Variants in SETD1A observed in about 807,000 individuals in gnomAD.
SETD1A encodes the protein SET domain containing 1A, histone lysine methyltransferase, also known as histone-lysine N-methyltransferase SETD1A.
In SETD1A, 29 loss-of-function variants were observed where a neutral mutation model predicts 149.9. That is an observed-to-expected ratio of 0.19 (90% confidence interval 0.14 to 0.26). The LOEUF (loss-of-function observed/expected upper bound fraction) is 0.26, where lower values mean the gene tolerates loss of function less well. Ranked by LOEUF, SETD1A falls within the 10% of genes least tolerant of loss-of-function variation. SETD1A has a pLI of 1.00. For missense variants in SETD1A, 2,109 were observed against 2,353.1 expected, an observed-to-expected ratio of 0.90 and a Z score of 2.15; for synonymous variants, 1,141 against 968.5, an observed-to-expected ratio of 1.18 and a Z score of -3.31.
chr16:30,983,503 G>A lies in SETD1A; in HGVS notation c.4813-132G>A. ...AGCAGAGTCGAGAGAGTCAGTGCCG[G>A]GTTAGCGGGAGCTGGAGGCAGAGCT... On this transcript the variant is annotated intron_variant, in intron 17 of 18. Transcript: ENST00000262519. The surrounding 1 kb of genome is among the most constrained non-coding windows in gnomAD (Gnocchi z 6.8). 9.5e-7 allele frequency: 1 copy of A among 1,056,156 alleles called. No homozygotes were observed. The highest frequency in any genetic ancestry group is 1.4e-6 in the Non-Finnish European group (1 of 719,980). The allele number at this position is 1,056,156 out of a possible 1,614,324, so 65.4% of individuals were successfully genotyped here.
chr16:30,967,112 C>T (rs2143511194), intron 9 of SETD1A, 52 bp downstream of exon 9: 1 of 1,418,380 alleles, frequency 7.1e-7, no homozygotes, highest in African/African-American at 1.4e-5. Flanking sequence ...GAGAGGGGGC[C>T]CCCTTCCTTG....
At chr16:30,976,482 G>A (rs1469378679) in intron 13 of SETD1A, among the ~76,000 whole-genome samples, 2 of 152,134 alleles carry the variant, frequency 1.3e-5, no homozygotes, top group East Asian at 3.9e-4. Context: ...AGGTGTGGTG[G>A]AATGATGAGG....
In SETD1A at chr16:30,957,878, G is replaced by A. The variant is rs1345802571; in HGVS notation, c.-102G>A. ...CTCCCAGGGCGCCGGCCGAGGCGAA[G>A]CCGCTACCCTCGGCCCCGTGGGTCC... On this transcript the variant is annotated 5_prime_UTR_variant, in exon 1 of 19. Transcript: ENST00000262519. 1 of 152,308 alleles carries A rather than the reference G, an allele frequency of 6.6e-6. No homozygotes were observed. Among genetic ancestry groups the A allele is most frequent in the South Asian group, 2.1e-4 (1 of 4,836 alleles). The allele number at this position is 152,308 out of a possible 1,614,324, so 9.4% of individuals were successfully genotyped here.
chr16:30,964,637 C>G lies in SETD1A; in HGVS notation c.895C>G (p.Arg299Gly). 1.2e-6 allele frequency: 2 copies of G among 1,613,576 alleles called. No individual in the cohort carries two copies. Among genetic ancestry groups the G allele is most frequent in the Non-Finnish European group, 8.5e-7 (1 of 1,179,846 alleles). Residue 299 changes from arginine (R) to glycine (G), a missense_variant, in exon 7 of 19, where the codon CGG becomes GGG. This residue lies in a region of SETD1A where 410 missense variants were observed against 394.8 expected (regional missense o/e 1.04). Coordinates refer to ENST00000262519, the MANE Select transcript of SETD1A (RefSeq NM_014712.3). ...SSTTSTSFKP[R>G]RSENSYQDAF... ...CACCACTTCAACCTCCTTCAAGCCC[C>G]GGCGGTCAGAGAACAGCTACCAAGA...
chr16:30,979,980 C>T lies in SETD1A; in HGVS notation c.4194C>T (p.Ala1398=). Residue 1398 remains alanine, a synonymous_variant, in exon 14 of 19, where the codon GCC becomes GCT. Coordinates refer to ENST00000262519, the MANE Select transcript of SETD1A (RefSeq NM_014712.3). ...ALRRRSLRSH[A]RRRRPPPPPP... ...GGAGGCGCAGCCTCCGCTCCCACGCCCGGCGCCGCCGCCCTCCGCCCCCAC... is the reference window on the plus strand; with the variant it reads ...GGAGGCGCAGCCTCCGCTCCCACGCTCGGCGCCGCCGCCCTCCGCCCCCAC... The T allele has an allele frequency of 1.3e-6, 2 of 1,511,644 alleles. No individual in the cohort carries two copies. The highest frequency in any genetic ancestry group is 2.2e-5 in the Admixed American group (1 of 45,524). The allele number at this position is 1,511,644 out of a possible 1,614,324, so 93.6% of individuals were successfully genotyped here.
At chr16:30,964,440 CTG>C in intron 6 of SETD1A, 117 bp downstream of exon 6, 1 of 1,330,166 alleles carries the variant, frequency 7.5e-7, no homozygotes, top group Non-Finnish European at 1.0e-6. Context: ...CCTAGTTTCT[CTG>C]TGGATTCAGT....
intron 4 of SETD1A, among the ~76,000 whole-genome samples, chr16:30,963,204 G>T (rs1318671761): frequency 6.6e-6 from 1 of 152,212 alleles, no homozygotes; most frequent in Non-Finnish European, 1.5e-5. Flanking sequence ...ATAAGTAGAA[G>T]TGTTTTTGAT....
rs1306210342 is a variant in SETD1A, at chr16:30,979,633, T to C, written c.3847T>C (p.Ser1283Pro). The C allele has an allele frequency of 1.2e-6, 2 of 1,610,594 alleles. No homozygotes were observed. Among genetic ancestry groups the C allele is most frequent in the Non-Finnish European group, 1.7e-6 (2 of 1,179,714 alleles). ...AVEDSEATET[S>P]DEAERPRPLL... Reference sequence around the variant, plus strand: ...TGAAGACTCAGAGGCCACAGAGACATCGGACGAGGCCGAGCGCCCTAGGCC... The same window carrying C: ...TGAAGACTCAGAGGCCACAGAGACACCGGACGAGGCCGAGCGCCCTAGGCC... The change falls in exon 14 of 19, where the codon TCG becomes CCG. Residue 1283 changes from serine (S) to proline (P), a missense_variant. Physicochemically the swap from Ser to Pro is moderately conservative, Grantham distance 74. This residue lies in a region of SETD1A where 832 missense variants were observed against 815.6 expected (regional missense o/e 1.02). Transcript: ENST00000262519.
intron 4 of SETD1A, among the ~76,000 whole-genome samples, chr16:30,962,225 C>T (rs770536307): frequency 5.3e-5 from 8 of 152,154 alleles, no homozygotes; most frequent in Non-Finnish European, 1.0e-4. Flanking sequence ...CCACTACGCC[C>T]GGCTAATTTT....
chr16:30,970,438 T>TTG (rs2056210768), intron 12 of SETD1A, among the ~76,000 whole-genome samples: 1 of 151,960 alleles, frequency 6.6e-6, no homozygotes, highest in Non-Finnish European at 1.5e-5. Flanking sequence ...TGGCTAATTT[T>TTG]TGTATTTTTA....
Position 30,980,054 on chromosome 16 carries a change from A to G in SETD1A, c.4268A>G (p.Gln1423Arg). 2 of 1,610,462 alleles carry G rather than the reference A, an allele frequency of 1.2e-6. No individual in the cohort carries two copies. The highest frequency in any genetic ancestry group is 1.7e-6 in the Non-Finnish European group (2 of 1,178,430). The change falls in exon 14 of 19, where the codon CAG becomes CGG. Residue 1423 changes from glutamine to arginine, a missense_variant. Gln to Arg is a conservative substitution (Grantham distance 43). Around this residue, in one of 8 missense-constraint regions of SETD1A, gnomAD observed 254 missense variants for 409.3 expected, o/e 0.62. Transcript: ENST00000262519. This position sits in a 1 kb window ranked among gnomAD's most constrained non-coding sequence, Gnocchi z 7.7. ...TACGAGCCACGCAGTGAGTTTGAAC[A>G]GATGACCATCCTGTATGACATTTGG... ...RAYEPRSEFE[Q>R]MTILYDIWNS...
chr16:30,966,149 C>A lies in SETD1A; in HGVS notation c.2268C>A (p.Ala756=). 1.2e-6 allele frequency: 2 copies of A among 1,605,574 alleles called. No homozygotes were observed. Among genetic ancestry groups the A allele is most frequent in the Non-Finnish European group, 1.7e-6 (2 of 1,175,314 alleles). ...EAYHLPMPMA[A]EPLPSSSVSG... is the part of the protein sequence containing the mutation. ...ACCACCTGCCCATGCCAATGGCAGC[C>A]GAGCCCCTGCCCTCCTCCTCAGTCT... The change falls in exon 8 of 19, where the codon GCC becomes GCA. Residue 756 remains alanine, a synonymous_variant. Coordinates refer to ENST00000262519, the MANE Select transcript of SETD1A (RefSeq NM_014712.3).
At chr16:30,965,558 G>C in intron 7 of SETD1A, 43 bp from the exon 8 acceptor site, 2 of 1,601,172 alleles carry the variant, frequency 1.2e-6, no homozygotes, top group Non-Finnish European at 1.7e-6. Context: ...AGTAGGGCTT[G>C]GGTCAGGCAG....
Position 30,971,371 on chromosome 16 carries a change from T to A in SETD1A, c.3017-7T>A. 6.4e-7 allele frequency: 1 copy of A among 1,564,208 alleles called. No individual in the cohort carries two copies. The highest frequency in any genetic ancestry group is 1.2e-5 in the South Asian group (1 of 82,718). On this transcript the variant is annotated splice_region_variant and splice_polypyrimidine_tract_variant and intron_variant, in intron 12 of 18. Coordinates refer to ENST00000262519, the MANE Select transcript of SETD1A (RefSeq NM_014712.3). Reference sequence around the variant, plus strand: ...ACCTCTCCTGACTGCCCCTTCTGGATTTCCAGGCGAGGACGAGGAAAGCGA... The same window carrying A: ...ACCTCTCCTGACTGCCCCTTCTGGAATTCCAGGCGAGGACGAGGAAAGCGA...
rs2056408148 is a variant in SETD1A at position 30,983,400 on chromosome 16, C to T, written c.4813-235C>T. On this transcript the variant is annotated intron_variant, in intron 17 of 18. Transcript: ENST00000262519. This position sits in a 1 kb window ranked among gnomAD's most constrained non-coding sequence, Gnocchi z 6.8. ...TGGCTCTCTTACCCAGTGCAGATTT[C>T]CCTGGAGTTCCCTGCGGGTGACTTA... Among the ~76,000 whole-genome samples, 1 of 152,180 alleles carries T rather than the reference C, an allele frequency of 6.6e-6. No homozygotes were observed. Among genetic ancestry groups the T allele is most frequent in the African/African-American group, 2.4e-5 (1 of 41,434 alleles).
chr16:30,978,615 G>A (rs1213661104), intron 13 of SETD1A, among the ~76,000 whole-genome samples: 3 of 152,258 alleles, frequency 2.0e-5, no homozygotes, highest in Non-Finnish European at 4.4e-5. Context: ...AGGAAGGCAA[G>A]TTTCATAAAA....
rs754999216 is a variant in SETD1A at position 30,980,131 on chromosome 16, C to T, written c.4345C>T (p.Arg1449Trp). The change falls in exon 14 of 19, where the codon CGG (arginine) becomes TGG (tryptophan). Residue 1449 changes from arginine to tryptophan, a missense_variant. Arg to Trp is a moderately radical substitution (Grantham distance 101, BLOSUM62 -3). This residue lies in a region of SETD1A where 254 missense variants were observed against 409.3 expected (regional missense o/e 0.62). Coordinates refer to ENST00000262519, the MANE Select transcript of SETD1A (RefSeq NM_014712.3). This position sits in a 1 kb window ranked among gnomAD's most constrained non-coding sequence, Gnocchi z 7.7. ...GAGTTACCTGCGGCTTACGTACGAG[C>T]GGCTGCTGCAGCAGACAAGCGGGGC... is the stretch of plus-strand genomic sequence containing the variant. The part of the protein sequence containing the change: ...DMSYLRLTYE[R>W]LLQQTSGADW... The T allele has an allele frequency of 3.7e-6, 6 of 1,611,704 alleles. No individual in the cohort carries two copies. Among genetic ancestry groups the T allele is most frequent in the South Asian group, 1.1e-5 (1 of 90,884 alleles).
rs1473608575 is a variant in SETD1A, at chr16:30,965,139, C to T, written c.1397C>T (p.Ala466Val). The stretch of plus-strand genomic sequence containing the variant: ...ACTTCCCCCCGCCCAGCCTCCCCTG[C>T]CCGCTCTGGCTCCCCAGCCCCGGAG... The part of the protein sequence containing the change: ...VRTSPRPASP[A>V]RSGSPAPETT... The change falls in exon 7 of 19, where the codon GCC becomes GTC. Residue 466 changes from alanine (A) to valine (V), a missense_variant. By Grantham distance (64) the Ala-to-Val change is moderately conservative. Transcript: ENST00000262519. 2 of 1,613,030 alleles carry T rather than the reference C, an allele frequency of 1.2e-6. No homozygotes were observed. The highest frequency in any genetic ancestry group is 1.1e-5 in the South Asian group (1 of 91,086).
At chr16:30,975,517 G>A (rs773669312) in intron 13 of SETD1A, among the ~76,000 whole-genome samples, 3 of 137,924 alleles carry the variant, frequency 2.2e-5, no homozygotes, top group South Asian at 5.0e-4. Context: ...TGCAACCTCC[G>A]CTTCCCGGGT....
Sources: allele counts gnomAD v4.1 joint callset (sites outside exome capture counted in the v4.1 genomes callset), GRCh38; gene constraint gnomAD v4.1.1; regional missense constraint gnomAD v4.1.1; non-coding constraint Gnocchi (gnomAD v3.1); transcripts MANE v1.5; gene names NCBI Gene and HGNC (gene_info 2026-07-23, HGNC 2026-07-21).